The following LYSMD2 variants were observed in gnomAD, a reference collection of about 807,000 sequenced individuals.
LYSMD2 encodes the protein lysM and putative peptidoglycan-binding domain-containing protein 2.
Under a neutral mutation model 17.7 loss-of-function variants are expected in LYSMD2, and 6 were observed. The ratio of observed to expected loss-of-function variants is 0.34; its 90% CI spans 0.19 to 0.67. The LOEUF (loss-of-function observed/expected upper bound fraction) is 0.67, where lower values mean the gene tolerates loss of function less well. LYSMD2 is among the 30% of genes least tolerant of loss of function. The probability of loss-of-function intolerance (pLI) is 0.69; values close to 1 mark genes in which losing one functional copy is unlikely to be tolerated. For missense variants in LYSMD2, 237 were observed against 286.7 expected, an observed-to-expected ratio of 0.83 and a Z score of 1.25; for synonymous variants, 102 against 129.8, an observed-to-expected ratio of 0.79 and a Z score of 1.45.
intron 1 of LYSMD2, among the ~76,000 whole-genome samples, chr15:51,728,819 G>C (rs866523238): frequency 7.2e-5 from 11 of 151,806 alleles, no homozygotes; most frequent in African/African-American, 2.4e-4. Context: ...GCAGTAAGCC[G>C]AGATTGTGCC....
Position 51,731,246 on chromosome 15 carries a change from G to T in LYSMD2, c.273+6104C>A, listed in dbSNP as rs2198804. The stretch of plus-strand genomic sequence containing the variant: ...TTTTGTGGTGTACAACCTCAATAAA[G>T]GTGTTTAAAAAAATAATGAGAATCT... On this transcript the variant is annotated intron_variant, in intron 1 of 2. Transcript: ENST00000267838. Among the ~76,000 whole-genome samples, 1,494 of 152,206 alleles carry T rather than the reference G, an allele frequency of 9.8e-3. 33 individuals are homozygous for T. The highest frequency in any genetic ancestry group is 0.074 in the East Asian group (383 of 5,180).
chr15:51,724,678 G>A, intron 2 of LYSMD2, 112 bp downstream of exon 2: 1 of 592,978 alleles, frequency 1.7e-6, no homozygotes, highest in Non-Finnish European at 2.6e-6. Context: ...AAATCAGAAA[G>A]AAAGAAAAGA....
Position 51,723,051 on chromosome 15 carries a change from A to C in LYSMD2, c.*556T>G, listed in dbSNP as rs898563713. ...AATTTTATTTTCTCATTTGTTAAAAAAAAAAAGGAGACTCAAGTTTGAAAA... is the reference window on the plus strand; with the variant it reads ...AATTTTATTTTCTCATTTGTTAAAACAAAAAAGGAGACTCAAGTTTGAAAA... On this transcript the variant is annotated 3_prime_UTR_variant, in exon 3 of 3. Transcript: ENST00000267838. 3 of 152,108 alleles carry C rather than the reference A, an allele frequency of 2.0e-5. No individual in the cohort carries two copies. The highest frequency in any genetic ancestry group is 2.0e-4 in the Admixed American group (3 of 15,280). The allele number at this position is 152,108 out of a possible 1,614,324, so 9.4% of individuals were successfully genotyped here.
intron 1 of LYSMD2, among the ~76,000 whole-genome samples, chr15:51,731,880 G>C (rs1455413974): frequency 6.6e-6 from 1 of 152,120 alleles, no homozygotes; most frequent in Non-Finnish European, 1.5e-5. Context: ...GGTTAGGGAA[G>C]GAATCTTAAT....
chr15:51,734,254 A>T (rs781461717), intron 1 of LYSMD2, among the ~76,000 whole-genome samples: 1 of 152,158 alleles, frequency 6.6e-6, no homozygotes, highest in Non-Finnish European at 1.5e-5. Flanking sequence ...AATCCCATAG[A>T]TCCAATGTCA....
chr15:51,750,473 T>A (rs1196547330), intron 1 of LYSMD2, among the ~76,000 whole-genome samples: 1 of 152,230 alleles, frequency 6.6e-6, no homozygotes, highest in African/African-American at 2.4e-5. Context: ...ATCCCTTTGG[T>A]TCATTTTCCT....
upstream of LYSMD2, among the ~76,000 whole-genome samples, chr15:51,738,444 C>T (rs564131116): frequency 4.1e-4 from 62 of 152,278 alleles, no homozygotes; most frequent in Admixed American, 9.8e-4. Context: ...ATCTTCTCTT[C>T]GTCAGTTTAT....
chr15:51,723,485 A>G lies in LYSMD2; in HGVS notation c.*122T>C. 1 of 789,400 alleles carries G rather than the reference A, an allele frequency of 1.3e-6. No homozygotes were observed. Among genetic ancestry groups the G allele is most frequent in the Non-Finnish European group, 2.2e-6 (1 of 449,312 alleles). The allele number at this position is 789,400 out of a possible 1,614,324, so 48.9% of individuals were successfully genotyped here. On this transcript the variant is annotated 3_prime_UTR_variant, in exon 3 of 3. Transcript: ENST00000267838. ...GCAACTGCAGCAGGTAGAACTACCTAGTTATGATTTTAAGATGGACACTAT... is the reference window on the plus strand; with the variant it reads ...GCAACTGCAGCAGGTAGAACTACCTGGTTATGATTTTAAGATGGACACTAT...
chr15:51,739,140 C>G (rs2055630986), upstream of LYSMD2, among the ~76,000 whole-genome samples: 1 of 152,184 alleles, frequency 6.6e-6, no homozygotes, highest in South Asian at 2.1e-4. Flanking sequence ...ACCTGCCCAA[C>G]TGTTACTGTT....
intron 1 of LYSMD2, among the ~76,000 whole-genome samples, chr15:51,736,054 A>G (rs2055606840): frequency 6.6e-6 from 1 of 152,242 alleles, no homozygotes. Flanking sequence ...GTCTCAATGA[A>G]TGATCATACT....
At chr15:51,726,373 C>T (rs1450662315) in intron 1 of LYSMD2, among the ~76,000 whole-genome samples, 1 of 152,190 alleles carries the variant, frequency 6.6e-6, no homozygotes, top group Non-Finnish European at 1.5e-5. Flanking sequence ...CTTTAGGACC[C>T]CTAGATCTTG....
chr15:51,741,449 T>TA (rs1345546673), upstream of LYSMD2, among the ~76,000 whole-genome samples: 1 of 152,214 alleles, frequency 6.6e-6, no homozygotes, highest in Non-Finnish European at 1.5e-5. Context: ...AAGGGTTTTT[T>TA]AAACAAGATA....
intron 2 of LYSMD2, among the ~76,000 whole-genome samples, chr15:51,724,539 T>C (rs940532338): frequency 6.6e-6 from 1 of 151,836 alleles, no homozygotes; most frequent in Non-Finnish European, 1.5e-5. Flanking sequence ...AGCAGCTCTG[T>C]TTAGAGTTTA....
intron 1 of LYSMD2, among the ~76,000 whole-genome samples, chr15:51,743,568 C>G (rs2055653277): frequency 6.6e-6 from 1 of 152,154 alleles, no homozygotes; most frequent in Non-Finnish European, 1.5e-5. Flanking sequence ...AGTCCTCTGA[C>G]TTTGTTCTTC....
chr15:51,725,682 C>G (rs2055535390), intron 1 of LYSMD2, among the ~76,000 whole-genome samples: 1 of 151,610 alleles, frequency 6.6e-6, no homozygotes, highest in African/African-American at 2.4e-5. Context: ...CCACTCACAT[C>G]AAGGAAATAT....
chr15:51,728,830 A>G (rs1385277250), intron 1 of LYSMD2, among the ~76,000 whole-genome samples: 2 of 151,974 alleles, frequency 1.3e-5, no homozygotes, highest in African/African-American at 2.4e-5. Context: ...AGATTGTGCC[A>G]TTGTACTCCA....
At chr15:51,735,933 G>A (rs1405222172) in intron 1 of LYSMD2, among the ~76,000 whole-genome samples, 4 of 152,228 alleles carry the variant, frequency 2.6e-5, no homozygotes, top group South Asian at 2.1e-4. Context: ...TCCTCCTTCA[G>A]TAGCCAGGAT....
At chr15:51,741,442 G>A (rs556596118), upstream of LYSMD2, among the ~76,000 whole-genome samples, 2 of 151,958 alleles carry the variant, frequency 1.3e-5, no homozygotes, top group African/African-American at 4.8e-5. Context: ...GATAGCAAAG[G>A]GTTTTTTAAA....
exon 1 of LYSMD2, chr15:51,751,279 G>A: frequency 1.4e-6 from 1 of 702,292 alleles, no homozygotes; most frequent in South Asian, 1.5e-5. Flanking sequence ...ACCTGAGACC[G>A]CTCTCAACGC....
Sources: gnomAD v4.1 joint callset for allele counts (sites outside exome capture counted in the v4.1 genomes callset) on GRCh38, gnomAD v4.1.1 for gene constraint, MANE v1.5 for transcripts, NCBI Gene and HGNC (gene_info 2026-07-23, HGNC 2026-07-21) for gene names.